Variants in MACROD2 observed in about 807,000 individuals in gnomAD.
MACROD2 encodes mono-ADP ribosylhydrolase 2, also known as ADP-ribose glycohydrolase MACROD2.
A neutral mutation model predicts 70.4 loss-of-function variants in MACROD2; 36 were observed. That is an observed-to-expected ratio of 0.51 (90% CI 0.39 to 0.68). The LOEUF is 0.68. Among genes scored for constraint, MACROD2 ranks in the 30% least tolerant of loss-of-function variants. MACROD2 has a pLI of 0.00. For missense variants in MACROD2, 496 were observed against 538.4 expected, an observed-to-expected ratio of 0.92 and a Z score of 0.78; for synonymous variants, 172 against 178.8, an observed-to-expected ratio of 0.96 and a Z score of 0.30.
At chr20:15,306,383 G>T (rs1009533263) in intron 6 of MACROD2, among the ~76,000 whole-genome samples, 4 of 152,096 alleles carry the variant, frequency 2.6e-5, no homozygotes, top group Non-Finnish European at 5.9e-5. Context: ...TGTGCCATGC[G>T]CATGCTAAAT....
At chr20:15,157,362 T>TCCCCCCC (rs1173688272) in intron 5 of MACROD2, among the ~76,000 whole-genome samples, 1 of 21,012 alleles carries the variant, frequency 4.8e-5, no homozygotes, top group Non-Finnish European at 9.6e-5. Context: ...CCCCCCCACC[T>TCCCCCCC]CCCCCCCCCC....
chr20:14,510,908 A>G (rs2085022321), intron 4 of MACROD2, among the ~76,000 whole-genome samples: 1 of 152,134 alleles, frequency 6.6e-6, no homozygotes, highest in African/African-American at 2.4e-5. Flanking sequence ...TTACATGATA[A>G]GTACTGGAAA....
In MACROD2 at chr20:14,831,566, G is replaced by C. The variant is rs553353854; in HGVS notation, c.418+146607G>C. 1.4e-3 allele frequency among the ~76,000 whole-genome samples: 213 copies of C among 151,612 alleles called. 2 individuals carry two copies. The highest frequency in any genetic ancestry group is 1.7e-3 in the Non-Finnish European group (115 of 67,822). On this transcript the variant is annotated intron_variant, in intron 5 of 17. Coordinates refer to ENST00000684519, the MANE Select transcript of MACROD2 (RefSeq NM_001351661.2). ...GGCCGAGGAGGGTGGATCACCTGAG[G>C]TCGGGAGTTTGAGACCAGCCTGGCC...
chr20:15,230,080 T>C lies in MACROD2; in HGVS notation c.540+19T>C, dbSNP rs541278324. 6 of 1,608,766 alleles carry C rather than the reference T, an allele frequency of 3.7e-6. No individual in the cohort carries two copies. The South Asian group carries it at 5.5e-5, about 15-fold the overall frequency. On this transcript the variant is annotated intron_variant, in intron 6 of 17. Transcript: ENST00000684519. ...ATCAGTTGTAAGTAATTTTATGTTT[T>C]TTATTTCTCACTCTTTTTCAACCTT...
intron 3 of MACROD2, among the ~76,000 whole-genome samples, chr20:14,454,995 G>T (rs186476393): frequency 6.6e-6 from 1 of 151,762 alleles, no homozygotes; most frequent in Non-Finnish European, 1.5e-5. Context: ...CTCGTGATCC[G>T]CCTGCCTTGG....
At chr20:15,988,087 G>A (rs2066511082) in intron 15 of MACROD2, among the ~76,000 whole-genome samples, 3 of 152,038 alleles carry the variant, frequency 2.0e-5, no homozygotes, top group Admixed American at 6.5e-5. Flanking sequence ...TTCTTGGCAG[G>A]GGCATTGACA....
At chr20:15,516,179 C>T (rs535153605) in intron 8 of MACROD2, among the ~76,000 whole-genome samples, 3 of 152,198 alleles carry the variant, frequency 2.0e-5, no homozygotes, top group East Asian at 1.9e-4. Flanking sequence ...TTAGTCCACT[C>T]AACATTGTCA....
rs2146634619 is a variant in MACROD2 at position 15,575,088 on chromosome 20, T to G, written c.645+75241T>G. Among the ~76,000 whole-genome samples the G allele has an allele frequency of 1.3e-5, 2 of 152,288 alleles. 1 individual carries two copies. Among genetic ancestry groups the G allele is most frequent in the South Asian group, 4.1e-4 (2 of 4,824 alleles). On this transcript the variant is annotated intron_variant, in intron 8 of 17. Coordinates refer to ENST00000684519, the MANE Select transcript of MACROD2 (RefSeq NM_001351661.2). ...TCATCTAGAAAAGAAAGGTAGCCAT[T>G]CTCTCCCAGTGAACAATCAAATTCT...
chr20:15,152,495 A>AAGGGATCGGGGCACATAGATAAGAGGTTG (rs1351354651), intron 5 of MACROD2, among the ~76,000 whole-genome samples: 1 of 144,494 alleles, frequency 6.9e-6, no homozygotes, highest in Admixed American at 6.9e-5. Context: ...ATAAGAGGTT[A>AAGGGATCGGGGCACATAGATAAGAGGTTG]GGGCATGGAA....
chr20:14,014,603 C>T (rs2052960818), intron 2 of MACROD2, among the ~76,000 whole-genome samples: 1 of 151,840 alleles, frequency 6.6e-6, no homozygotes, highest in South Asian at 2.1e-4. Context: ...CAGTTTCCAC[C>T]CCTTAATATC....
chr20:14,015,855 C>T (rs1397361075), intron 2 of MACROD2, among the ~76,000 whole-genome samples: 1 of 152,198 alleles, frequency 6.6e-6, no homozygotes, highest in African/African-American at 2.4e-5. Context: ...GTGTATAGCA[C>T]ATTCTGTTTA....
At chr20:15,550,726 C>CTGTT (rs1228120020) in intron 8 of MACROD2, among the ~76,000 whole-genome samples, 1 of 152,200 alleles carries the variant, frequency 6.6e-6, no homozygotes. Flanking sequence ...CCTTCTAATC[C>CTGTT]TGTTCCCTGC....
chr20:15,744,194 A>G (rs1460747088), intron 8 of MACROD2, among the ~76,000 whole-genome samples: 5 of 152,234 alleles, frequency 3.3e-5, no homozygotes, highest in African/African-American at 1.2e-4. Flanking sequence ...TCATAATGCA[A>G]TTTTAAAGAT....
chr20:15,792,231 A>T (rs6135521), intron 8 of MACROD2, among the ~76,000 whole-genome samples: 2 of 151,976 alleles, frequency 1.3e-5, no homozygotes, highest in Non-Finnish European at 2.9e-5. Flanking sequence ...ACCAAAGTAA[A>T]TTACAGAAAG....
At chr20:14,579,161 G>A (rs1980829862) in intron 4 of MACROD2, among the ~76,000 whole-genome samples, 1 of 110,792 alleles carries the variant, frequency 9.0e-6, no homozygotes, top group South Asian at 3.1e-4. Flanking sequence ...TTGAGACGGA[G>A]TCTCGCTCTG....
chr20:14,711,354 TCTCAATGTTGTTG>T (rs1301006816), intron 5 of MACROD2, among the ~76,000 whole-genome samples: 1 of 152,188 alleles, frequency 6.6e-6, no homozygotes, highest in Non-Finnish European at 1.5e-5. Context: ...CAGGAATCAT[TCTCAATGTTGTTG>T]AAGAAGTTAG....
intron 8 of MACROD2, among the ~76,000 whole-genome samples, chr20:15,523,882 T>G (rs1263915478): frequency 6.6e-6 from 1 of 152,218 alleles, no homozygotes; most frequent in Non-Finnish European, 1.5e-5. Flanking sequence ...TATCTTGTGA[T>G]GTGCCAGGCC....
At chr20:15,365,507 G>A (rs1644843635) in intron 6 of MACROD2, among the ~76,000 whole-genome samples, 1 of 151,848 alleles carries the variant, frequency 6.6e-6, no homozygotes, top group Admixed American at 6.6e-5. Flanking sequence ...TAAAAATACA[G>A]AAAATTAGCC....
chr20:15,487,359 C>T (rs1335196378), intron 7 of MACROD2, among the ~76,000 whole-genome samples: 1 of 152,168 alleles, frequency 6.6e-6, no homozygotes, highest in Non-Finnish European at 1.5e-5. Flanking sequence ...TTAGGAATGC[C>T]TCACTTGATA....
Sources: gnomAD v4.1 joint callset for allele counts (sites outside exome capture counted in the v4.1 genomes callset) on GRCh38, gnomAD v4.1.1 for gene constraint, MANE v1.5 for transcripts, NCBI Gene and HGNC (gene_info 2026-07-23, HGNC 2026-07-21) for gene names.